Variants in PPP2R2C observed in about 807,000 individuals in gnomAD.
The protein encoded by PPP2R2C is protein phosphatase 2 regulatory subunit Bgamma.
PPP2R2C carries 10 observed loss-of-function variants against 45.3 expected under a neutral mutation model. The observed-to-expected ratio is 0.22, with a 90% CI of 0.14 to 0.37. The LOEUF (loss-of-function observed/expected upper bound fraction) is 0.37, where lower values mean the gene tolerates loss of function less well. Ranked by LOEUF, PPP2R2C falls within the 10% of genes least tolerant of loss-of-function variation. The pLI, the probability that PPP2R2C is intolerant of heterozygous loss-of-function variation, is 1.00. For synonymous variants in PPP2R2C, 257 were observed against 245.4 expected, an observed-to-expected ratio of 1.05 and a Z score of -0.44; for missense variants, 308 against 619.7, an observed-to-expected ratio of 0.50 and a Z score of 5.34.
intron 1 of PPP2R2C, among the ~76,000 whole-genome samples, chr4:6,456,540 C>G (rs1466723702): frequency 6.6e-6 from 1 of 152,154 alleles, no homozygotes. Context: ...GTTTTTATCA[C>G]CTTTCACATT....
rs970385030 is a variant in PPP2R2C, at chr4:6,381,644, C to T, written c.71-550G>A. 10 of 1,500,796 alleles carry T rather than the reference C, an allele frequency of 6.7e-6. No homozygotes were observed. The African/African-American group carries it at 1.3e-4, about 19-fold the overall frequency. 93.0% of individuals were successfully genotyped at this position (1,500,796 alleles called of 1,614,324 possible). A position where few individuals can be genotyped will look rare whatever the true frequency, so the allele number is the denominator to read the frequency against. On this transcript the variant is annotated intron_variant, in intron 1 of 8. Coordinates refer to ENST00000382599, the MANE Select transcript of PPP2R2C (RefSeq NM_020416.4). Reference sequence around the variant, plus strand: ...TGTGGCCCCACCTCCAGGCAGGCCTCTGGGATCGCTCTCTAATCTCTGCTC... The same window carrying T: ...TGTGGCCCCACCTCCAGGCAGGCCTTTGGGATCGCTCTCTAATCTCTGCTC...
At chr4:6,533,544 G>A (rs568566799) in intron 2 of PPP2R2C, among the ~76,000 whole-genome samples, 100 of 152,268 alleles carry the variant, frequency 6.6e-4, no homozygotes, top group African/African-American at 2.2e-3. Flanking sequence ...GCCGGCACTG[G>A]GCCTAAGGAA....
At chr4:6,527,084 T>C (rs28519448) in intron 2 of PPP2R2C, among the ~76,000 whole-genome samples, 3 of 152,140 alleles carry the variant, frequency 2.0e-5, no homozygotes, top group Non-Finnish European at 4.4e-5. Flanking sequence ...CTCAGCTCCA[T>C]TGTAAATCGC....
At chr4:6,483,153 T>A (rs750968540) in intron 2 of PPP2R2C, among the ~76,000 whole-genome samples, 68 of 84,810 alleles carry the variant, frequency 8.0e-4, no homozygotes, top group Admixed American at 5.8e-3. Context: ...ATTGATTGAT[T>A]GATAGATAGA....
At chr4:6,446,362 C>G (rs769692473) in intron 1 of PPP2R2C, among the ~76,000 whole-genome samples, 1 of 152,114 alleles carries the variant, frequency 6.6e-6, no homozygotes, top group Non-Finnish European at 1.5e-5. Context: ...CCACCCCCAT[C>G]GAGGCTCATT....
At chr4:6,554,930 G>GAAAGAAA (rs1725320816) in intron 1 of PPP2R2C, among the ~76,000 whole-genome samples, 2 of 116,122 alleles carry the variant, frequency 1.7e-5, no homozygotes, top group African/African-American at 7.7e-5. Context: ...AAGGAAGGAA[G>GAAAGAAA]GAAAGAAAGA....
intron 3 of PPP2R2C, among the ~76,000 whole-genome samples, chr4:6,377,808 TCCCTCA>T (rs1244809836): frequency 6.6e-6 from 1 of 152,044 alleles, no homozygotes; most frequent in Non-Finnish European, 1.5e-5. Flanking sequence ...CCCCAGCCAC[TCCCTCA>T]GAGTGGAGCC....
chr4:6,461,893 T>C (rs552578215), intron 1 of PPP2R2C, among the ~76,000 whole-genome samples: 1 of 152,324 alleles, frequency 6.6e-6, no homozygotes, highest in South Asian at 2.1e-4. Flanking sequence ...ATCCCCATCA[T>C]GGGGGTAAGA....
chr4:6,511,043 A>T (rs1483680353), intron 2 of PPP2R2C, among the ~76,000 whole-genome samples: 1 of 151,738 alleles, frequency 6.6e-6, no homozygotes, highest in African/African-American at 2.4e-5. Context: ...GAATAAGAGG[A>T]ACTTTATTTG....
At chr4:6,406,982 A>G (rs1717839135) in intron 1 of PPP2R2C, among the ~76,000 whole-genome samples, 1 of 152,172 alleles carries the variant, frequency 6.6e-6, no homozygotes, top group Admixed American at 6.5e-5. Flanking sequence ...TGGGGGAAAG[A>G]GGAGGAGGTG....
intron 1 of PPP2R2C, among the ~76,000 whole-genome samples, chr4:6,450,242 C>G (rs997251630): frequency 6.6e-6 from 1 of 152,180 alleles, no homozygotes; most frequent in Non-Finnish European, 1.5e-5. Flanking sequence ...GGGTTCAGCA[C>G]CAACTGCAGG....
At chr4:6,434,928 T>G (rs2109416928) in intron 1 of PPP2R2C, among the ~76,000 whole-genome samples, 1 of 152,340 alleles carries the variant, frequency 6.6e-6, no homozygotes, top group African/African-American at 2.4e-5. Context: ...CTATTGAATT[T>G]TTTTGGGGGT....
chr4:6,488,204 G>A (rs1163507377), intron 2 of PPP2R2C, among the ~76,000 whole-genome samples: 4 of 152,122 alleles, frequency 2.6e-5, no homozygotes, highest in Non-Finnish European at 4.4e-5. Flanking sequence ...TGTCAATTCT[G>A]GATCAGTCTT....
chr4:6,422,331 A>C (rs1244520679), intron 1 of PPP2R2C, among the ~76,000 whole-genome samples: 1 of 152,244 alleles, frequency 6.6e-6, no homozygotes, highest in Non-Finnish European at 1.5e-5. Context: ...GGGTTCAACT[A>C]TCAGTGCCAA....
chr4:6,455,156 G>A (rs759480459), intron 1 of PPP2R2C, among the ~76,000 whole-genome samples: 1 of 152,132 alleles, frequency 6.6e-6, no homozygotes, highest in Admixed American at 6.5e-5. Flanking sequence ...TGCATTCGTG[G>A]ACTTACTCTT....
At chr4:6,472,009 ATGGGGTGGGG>A (rs1178287354) in intron 1 of PPP2R2C, 141 bp downstream of exon 1, 9 of 737,490 alleles carry the variant, frequency 1.2e-5, no homozygotes, top group South Asian at 3.7e-5. Context: ...GTGGGATGGG[ATGGGGTGGGG>A]TGGGGTGGGA....
At chr4:6,544,990 A>G (rs1724931406) in intron 1 of PPP2R2C, among the ~76,000 whole-genome samples, 1 of 152,186 alleles carries the variant, frequency 6.6e-6, no homozygotes, top group Non-Finnish European at 1.5e-5. Context: ...TAAATCCCCA[A>G]GAGTGTAAAT....
upstream of PPP2R2C, among the ~76,000 whole-genome samples, chr4:6,476,479 C>T (rs1044688748): frequency 2.6e-5 from 4 of 152,334 alleles, no homozygotes; most frequent in Non-Finnish European, 5.9e-5. Context: ...CTCCCTCTCT[C>T]TCTGTCATAT....
intron 1 of PPP2R2C, among the ~76,000 whole-genome samples, chr4:6,464,175 T>C (rs2108761286): frequency 6.6e-6 from 1 of 152,348 alleles, no homozygotes. Flanking sequence ...CGCAGCCTCA[T>C]GTCCAGCATA....
Sources: gnomAD v4.1 joint callset for allele counts (sites outside exome capture counted in the v4.1 genomes callset) on GRCh38, gnomAD v4.1.1 for gene constraint, MANE v1.5 for transcripts, NCBI Gene and HGNC (gene_info 2026-07-23, HGNC 2026-07-21) for gene names.